The following CMIP variants were observed in gnomAD, a reference collection of about 807,000 sequenced individuals.
CMIP encodes the protein c-Maf inducing protein.
In CMIP, 13 loss-of-function variants were observed where a neutral mutation model predicts 97.3. The observed-to-expected ratio is 0.13, with a 90% CI of 0.09 to 0.21. The LOEUF is 0.21. CMIP is among the 10% of genes least tolerant of loss of function. The pLI is 1.00. For synonymous variants in CMIP, 538 were observed against 436.3 expected (o/e 1.23, Z -2.91); for missense variants, 847 against 1,024.9 (o/e 0.83, Z 2.37).
chr16:81,630,466 C>G (rs1309912881), intron 3 of CMIP: 1 of 152,318 alleles, frequency 6.6e-6, no homozygotes, highest in Non-Finnish European at 1.5e-5. Context: ...GACAGTGTCC[C>G]CCGTCCTGCT....
intron 10 of CMIP, among the ~76,000 whole-genome samples, chr16:81,690,736 C>A (rs539600413): frequency 6.6e-6 from 1 of 152,206 alleles, no homozygotes; most frequent in Non-Finnish European, 1.5e-5. Flanking sequence ...ACCAGCATGG[C>A]CAACATGGCA....
intron 3 of CMIP, among the ~76,000 whole-genome samples, chr16:81,642,708 C>G (rs1027494945): frequency 6.6e-6 from 1 of 152,130 alleles, no homozygotes; most frequent in Admixed American, 6.5e-5. Context: ...CCAGCCTGGT[C>G]AACATGGCGA....
intron 1 of CMIP, among the ~76,000 whole-genome samples, chr16:81,531,700 T>G (rs938526689): frequency 6.6e-6 from 1 of 152,242 alleles, no homozygotes; most frequent in African/African-American, 2.4e-5. Context: ...TTAAGAATCA[T>G]TCCTTTTCCT....
At chr16:81,601,397 G>A (rs2091654956) in intron 1 of CMIP, among the ~76,000 whole-genome samples, 1 of 151,526 alleles carries the variant, frequency 6.6e-6, no homozygotes, top group Admixed American at 6.6e-5. Context: ...CAGCATCGGG[G>A]GCCCAATGGG....
At chr16:81,559,135 A>G (rs142680174) in intron 1 of CMIP, among the ~76,000 whole-genome samples, 69 of 151,074 alleles carry the variant, frequency 4.6e-4, no homozygotes, top group Non-Finnish European at 8.4e-4. Flanking sequence ...CAGGCCGGGC[A>G]TGCTGGGCAG....
At chr16:81,505,681 A>T (rs946314059) in intron 1 of CMIP, among the ~76,000 whole-genome samples, 1 of 152,334 alleles carries the variant, frequency 6.6e-6, no homozygotes, top group African/African-American at 2.4e-5. Flanking sequence ...CTCCTCAGTG[A>T]AAGAGTGGCT....
intron 1 of CMIP, chr16:81,518,558 G>T (rs2089960458): frequency 6.6e-6 from 1 of 152,318 alleles, no homozygotes; most frequent in African/African-American, 2.4e-5. Context: ...CCCAGCACGG[G>T]TCAGGGCCTT....
chr16:81,610,888 G>T (rs16955656), intron 2 of CMIP, among the ~76,000 whole-genome samples: 15,725 of 152,092 alleles, frequency 0.1, 928 homozygotes, highest in East Asian at 0.2. Flanking sequence ...TACTGTATTA[G>T]ATCCCAGAGC....
intron 1 of CMIP, among the ~76,000 whole-genome samples, chr16:81,580,152 A>G (rs977372200): frequency 2.6e-5 from 4 of 151,648 alleles, no homozygotes; most frequent in Non-Finnish European, 5.9e-5. Context: ...CTGCCTTGAC[A>G]CCCTCCCTCA....
At chr16:81,592,924 C>G (rs1365384123) in intron 1 of CMIP, among the ~76,000 whole-genome samples, 1 of 152,224 alleles carries the variant, frequency 6.6e-6, no homozygotes, top group Non-Finnish European at 1.5e-5. Context: ...TTTAGGGCAT[C>G]TTTGTGTCCA....
At chr16:81,676,318 C>T (rs1555548688) in intron 9 of CMIP, among the ~76,000 whole-genome samples, 1 of 152,048 alleles carries the variant, frequency 6.6e-6, no homozygotes, top group Non-Finnish European at 1.5e-5. Context: ...ACGCCCCCCT[C>T]AGCCAGTCCC....
rs1905261329 is a variant in CMIP, at chr16:81,685,264, C to G, written c.1389-6511C>G. Among the ~76,000 whole-genome samples the G allele has an allele frequency of 2.0e-5, 3 of 152,202 alleles. No individual in the cohort carries two copies. The South Asian group carries it at 6.2e-4, about 31-fold the overall frequency. On this transcript the variant is annotated intron_variant, in intron 10 of 20. Coordinates refer to ENST00000537098, the MANE Select transcript of CMIP (RefSeq NM_198390.3). The stretch of plus-strand genomic sequence containing the variant: ...GTGGGAGCTGCCAGGAAGCGGAGCC[C>G]CAGGCTGGGAGACCGAGAGGAGGAG...
chr16:81,679,950 C>T (rs187768918), intron 10 of CMIP, among the ~76,000 whole-genome samples: 6 of 152,334 alleles, frequency 3.9e-5, no homozygotes, highest in Admixed American at 3.3e-4. Flanking sequence ...GACACCTCCC[C>T]CTTTCTCGCT....
intron 1 of CMIP, among the ~76,000 whole-genome samples, chr16:81,598,156 G>A (rs2091594401): frequency 6.6e-6 from 1 of 152,052 alleles, no homozygotes; most frequent in African/African-American, 2.4e-5. Flanking sequence ...TTGGAAACTG[G>A]CACACGCTAG....
At chr16:81,538,148 A>G (rs1437059147) in intron 1 of CMIP, among the ~76,000 whole-genome samples, 4 of 152,252 alleles carry the variant, frequency 2.6e-5, no homozygotes, top group Non-Finnish European at 5.9e-5. Flanking sequence ...ACTGAGGCTC[A>G]GGCAAGTAAA....
intron 1 of CMIP, among the ~76,000 whole-genome samples, chr16:81,494,384 C>G (rs894474431): frequency 6.6e-6 from 1 of 152,174 alleles, no homozygotes; most frequent in African/African-American, 2.4e-5. Context: ...CCTTTATTGA[C>G]GCAGAGGGTG....
chr16:81,701,850 G>A, intron 16 of CMIP, 50 bp downstream of exon 16: 5 of 1,606,216 alleles, frequency 3.1e-6, no homozygotes, highest in Non-Finnish European at 4.2e-6. Flanking sequence ...AGGCCAGGGG[G>A]GGCCAGGGCG....
chr16:81,664,217 G>C (rs935101578), intron 6 of CMIP, 52 bp from the exon 7 acceptor site: 9 of 1,526,718 alleles, frequency 5.9e-6, no homozygotes, highest in Non-Finnish European at 8.0e-6. Context: ...GCCACGGGCT[G>C]TGTTCAGAAC....
chr16:81,504,151 C>T (rs1479016173), intron 1 of CMIP, among the ~76,000 whole-genome samples: 3 of 152,088 alleles, frequency 2.0e-5, no homozygotes, highest in South Asian at 2.1e-4. Context: ...CATGGTGAAA[C>T]CCCCTCTCTA....
Sources: allele counts gnomAD v4.1 joint callset (sites outside exome capture counted in the v4.1 genomes callset), GRCh38; gene constraint gnomAD v4.1.1; transcripts MANE v1.5; gene names NCBI Gene and HGNC (gene_info 2026-07-23, HGNC 2026-07-21).